Variants in SORCS2 observed in about 807,000 individuals in gnomAD.
SORCS2 encodes VPS10 domain-containing receptor SorCS2.
In SORCS2, 100 loss-of-function variants were observed where a neutral mutation model predicts 141.6. The ratio of observed to expected loss-of-function variants is 0.71; its 90% CI spans 0.60 to 0.83. The LOEUF (loss-of-function observed/expected upper bound fraction) is 0.83. Among genes scored for constraint, SORCS2 ranks in the 40% least tolerant of loss-of-function variants. The pLI, the probability that SORCS2 is intolerant of heterozygous loss-of-function variation, is 0.00. For missense variants in SORCS2, 1,646 were observed against 1,560.2 expected, an observed-to-expected ratio of 1.05 and a Z score of -0.93; for synonymous variants, 789 against 676.9, an observed-to-expected ratio of 1.17 and a Z score of -2.57.
chr4:7,694,794 CCTAT>C (rs1455489521), intron 11 of SORCS2, among the ~76,000 whole-genome samples: 1 of 152,220 alleles, frequency 6.6e-6, no homozygotes, highest in African/African-American at 2.4e-5. Flanking sequence ...CCCCACCCAT[CCTAT>C]CTGTCTTGCA....
chr4:7,440,405 A>C (rs562717058), intron 2 of SORCS2, among the ~76,000 whole-genome samples: 32 of 152,382 alleles, frequency 2.1e-4, no homozygotes, highest in African/African-American at 7.7e-4. Flanking sequence ...GAATAGGAAC[A>C]ACATGCTTAC....
chr4:7,539,921 A>C (rs1156449625), intron 3 of SORCS2, among the ~76,000 whole-genome samples: 1,106 of 40,264 alleles, frequency 0.027, no homozygotes, highest in African/African-American at 0.034. Flanking sequence ...TGGAGGCCCC[A>C]CCCCCTTCCT....
intron 12 of SORCS2, among the ~76,000 whole-genome samples, chr4:7,698,614 G>T (rs565199614): frequency 2.6e-4 from 40 of 152,380 alleles, no homozygotes; most frequent in African/African-American, 9.6e-4. Context: ...TTGCAAGATA[G>T]TCATAGCAGT....
intron 1 of SORCS2, among the ~76,000 whole-genome samples, chr4:7,344,271 C>A (rs777795085): frequency 2.6e-5 from 4 of 152,230 alleles, no homozygotes; most frequent in Non-Finnish European, 4.4e-5. Flanking sequence ...TGTCATGGAG[C>A]CTTCTTTGCA....
At chr4:7,610,612 A>G (rs903310327) in intron 3 of SORCS2, among the ~76,000 whole-genome samples, 2 of 152,192 alleles carry the variant, frequency 1.3e-5, no homozygotes, top group African/African-American at 2.4e-5. Context: ...TAAGTACCTT[A>G]AAAATGCAGG....
At chr4:7,593,927 A>T (rs1041400338) in intron 3 of SORCS2, among the ~76,000 whole-genome samples, 1 of 152,214 alleles carries the variant, frequency 6.6e-6, no homozygotes, top group Admixed American at 6.5e-5. Context: ...TGCTCTTGTT[A>T]TGGGAAATGA....
intron 2 of SORCS2, among the ~76,000 whole-genome samples, chr4:7,494,859 C>T (rs549784531): frequency 5.3e-5 from 8 of 152,350 alleles, no homozygotes; most frequent in Middle Eastern, 3.4e-3. Context: ...GATCTTTGGG[C>T]TCCGGCTCGT....
chr4:7,409,442 C>T (rs1725168372), intron 2 of SORCS2, among the ~76,000 whole-genome samples: 1 of 152,184 alleles, frequency 6.6e-6, no homozygotes, highest in Non-Finnish European at 1.5e-5. Context: ...ATTTGGAGTC[C>T]CCTTTGGCCA....
At chr4:7,711,535 G>A (rs1725826227) in intron 14 of SORCS2, among the ~76,000 whole-genome samples, 2 of 152,200 alleles carry the variant, frequency 1.3e-5, no homozygotes, top group African/African-American at 4.8e-5. Flanking sequence ...CCAGGGAAGA[G>A]CAGGCTGGGC....
chr4:7,636,861 T>G (rs1209144472), intron 3 of SORCS2, among the ~76,000 whole-genome samples: 1 of 152,064 alleles, frequency 6.6e-6, no homozygotes, highest in Non-Finnish European at 1.5e-5. Flanking sequence ...CCTCTCTCAG[T>G]CTGGAGGCTG....
intron 1 of SORCS2, among the ~76,000 whole-genome samples, chr4:7,313,678 A>G (rs542188536): frequency 1.3e-5 from 2 of 152,318 alleles, no homozygotes; most frequent in Admixed American, 1.3e-4. Flanking sequence ...GGATGGCCGC[A>G]CTGCCGGCTT....
intron 2 of SORCS2, among the ~76,000 whole-genome samples, chr4:7,516,466 G>C (rs1293540855): frequency 6.6e-6 from 1 of 152,164 alleles, no homozygotes; most frequent in Non-Finnish European, 1.5e-5. Context: ...TGGGAGGAGA[G>C]GCACCTAGAG....
intron 3 of SORCS2, among the ~76,000 whole-genome samples, chr4:7,621,825 C>G (rs762212561): frequency 4.5e-4 from 68 of 152,212 alleles, no homozygotes; most frequent in Non-Finnish European, 8.7e-4. Flanking sequence ...ATGCTCACCT[C>G]TCTGAAAAGC....
intron 2 of SORCS2, among the ~76,000 whole-genome samples, chr4:7,445,081 G>A (rs1727902562): frequency 6.6e-6 from 1 of 150,384 alleles, no homozygotes; most frequent in African/African-American, 2.5e-5. Flanking sequence ...GGAGGGATTG[G>A]GGGAGGCCCA....
intron 1 of SORCS2, among the ~76,000 whole-genome samples, chr4:7,354,809 C>G (rs982165672): frequency 1.3e-5 from 2 of 152,186 alleles, no homozygotes; most frequent in African/African-American, 4.8e-5. Context: ...AATCCGAACC[C>G]CAGAGTAAGT....
intron 1 of SORCS2, among the ~76,000 whole-genome samples, chr4:7,204,181 G>A (rs1727616890): frequency 6.6e-6 from 1 of 152,166 alleles, no homozygotes; most frequent in Admixed American, 6.5e-5. Context: ...TAAATGCCCA[G>A]AAGTGGGATT....
At chr4:7,377,643 G>C (rs896039348) in intron 1 of SORCS2, among the ~76,000 whole-genome samples, 2 of 152,190 alleles carry the variant, frequency 1.3e-5, no homozygotes, top group African/African-American at 4.8e-5. Context: ...ATGTGATGGC[G>C]GCAGGGCTCT....
chr4:7,240,984 G>T (rs913608959), intron 1 of SORCS2, among the ~76,000 whole-genome samples: 1 of 152,022 alleles, frequency 6.6e-6, no homozygotes, highest in Non-Finnish European at 1.5e-5. Flanking sequence ...GCCCAGGCTG[G>T]AGTGCAATGG....
At chr4:7,636,172 T>C (rs1720236146) in intron 3 of SORCS2, among the ~76,000 whole-genome samples, 2 of 151,802 alleles carry the variant, frequency 1.3e-5, no homozygotes. Flanking sequence ...AGGCGCACCC[T>C]GCAGTGTGTG....
Sources: allele counts gnomAD v4.1 joint callset (sites outside exome capture counted in the v4.1 genomes callset), GRCh38; gene constraint gnomAD v4.1.1; transcripts MANE v1.5; gene names NCBI Gene and HGNC (gene_info 2026-07-23, HGNC 2026-07-21).